NAA11: variants seen among roughly 807,000 people sequenced by gnomAD.
NAA11 encodes N-alpha-acetyltransferase 11, NatA catalytic subunit.
Under a neutral mutation model 16.1 loss-of-function variants are expected in NAA11, and 15 were observed. The observed-to-expected ratio is 0.93, with a 90% CI of 0.62 to 1.44. The LOEUF is 1.44. NAA11 is among the 40% of genes most tolerant of loss of function. NAA11 has a pLI of 0.00. For missense variants in NAA11, 298 were observed against 291.3 expected (o/e 1.02, Z -0.17); for synonymous variants, 122 against 112.4 (o/e 1.09, Z -0.54).
At chr4:79,261,733 A>G (rs1433288216) in intron 2 of NAA11, among the ~76,000 whole-genome samples, 2 of 152,318 alleles carry the variant, frequency 1.3e-5, no homozygotes, top group Middle Eastern at 3.4e-3. Context: ...GTGACATCCA[A>G]GTGTGTAGAA....
chr4:79,201,887 GTCTTT>G, the NAA11 span, among the ~76,000 whole-genome samples: 2 of 151,702 alleles, frequency 1.3e-5, no homozygotes, highest in South Asian at 2.1e-4. Context: ...ACTTCATCCT[GTCTTT>G]TCTTTTTTTA....
chr4:79,236,732 T>G (rs955693122), intron 2 of NAA11, among the ~76,000 whole-genome samples: 2 of 152,166 alleles, frequency 1.3e-5, no homozygotes, highest in African/African-American at 4.8e-5. Flanking sequence ...ATTCTTGACA[T>G]TAGGGACAGA....
Position 79,233,668 on chromosome 4 carries a change from A to G in NAA11, c.*123-7398T>C, listed in dbSNP as rs533900819. Among the ~76,000 whole-genome samples, 82 of 152,208 alleles carry G rather than the reference A, an allele frequency of 5.4e-4. No homozygotes were observed. In the Middle Eastern group the frequency reaches 0.01, roughly 19 times the overall value. ...CTTTATTTTCATAACCTGGTAGCCT[A>G]CTTGTGGACTATAGTTTGCCTCTGG... is the stretch of plus-strand genomic sequence containing the variant. On this transcript the variant is annotated intron_variant and NMD_transcript_variant, in intron 2 of 2. Coordinates refer to the NAA11 transcript ENST00000511542.
the NAA11 span, among the ~76,000 whole-genome samples, chr4:79,195,167 C>T: frequency 4.6e-5 from 7 of 152,204 alleles, no homozygotes; most frequent in East Asian, 1.2e-3. Context: ...GGGCAATTAG[C>T]TACCCCAGAG....
chr4:79,177,594 A>G, the NAA11 span, among the ~76,000 whole-genome samples: 3 of 152,272 alleles, frequency 2.0e-5, no homozygotes, highest in South Asian at 2.1e-4. Flanking sequence ...AAATGAGGTC[A>G]GTGTAATTAT....
At chr4:79,298,079 C>A (rs1723276649) in intron 1 of NAA11, among the ~76,000 whole-genome samples, 1 of 152,194 alleles carries the variant, frequency 6.6e-6, no homozygotes, top group African/African-American at 2.4e-5. Flanking sequence ...GGGAGCTGAA[C>A]ACTTGTTGGG....
At chr4:79,260,831 T>TG (rs2109973899) in intron 2 of NAA11, among the ~76,000 whole-genome samples, 1 of 152,296 alleles carries the variant, frequency 6.6e-6, no homozygotes, top group African/African-American at 2.4e-5. Context: ...CTAGAAACAT[T>TG]GGGGGAAAGA....
the NAA11 span, among the ~76,000 whole-genome samples, chr4:79,192,531 A>G: frequency 6.6e-5 from 10 of 151,682 alleles, no homozygotes; most frequent in South Asian, 4.2e-4. Context: ...TTCCAGCTTC[A>G]TCCATGTCCC....
At chr4:79,283,897 T>C (rs983912180) in intron 2 of NAA11, among the ~76,000 whole-genome samples, 3 of 152,148 alleles carry the variant, frequency 2.0e-5, no homozygotes, top group Admixed American at 1.3e-4. Flanking sequence ...AATCCTGTTA[T>C]GTTAATTGGA....
intron 2 of NAA11, among the ~76,000 whole-genome samples, chr4:79,292,925 A>C (rs1723120097): frequency 6.6e-6 from 1 of 152,204 alleles, no homozygotes; most frequent in African/African-American, 2.4e-5. Context: ...TTTGATTAAA[A>C]AGATGCTATG....
intron 1 of NAA11, chr4:79,299,259 G>A (rs2110000437): frequency 6.6e-6 from 1 of 152,340 alleles, no homozygotes. Context: ...TAGAGAAGTT[G>A]AGACTTTCTA....
At chr4:79,166,065 A>G in the NAA11 span, among the ~76,000 whole-genome samples, 1 of 152,204 alleles carries the variant, frequency 6.6e-6, no homozygotes, top group Non-Finnish European at 1.5e-5. Context: ...TTTTGCTAGC[A>G]ATAATGGAGA....
At chr4:79,276,986 T>C (rs898017404) in intron 2 of NAA11, among the ~76,000 whole-genome samples, 5 of 152,144 alleles carry the variant, frequency 3.3e-5, no homozygotes, top group Non-Finnish European at 7.4e-5. Context: ...GCTGAACAAT[T>C]AGGGGCTACT....
At chr4:79,220,827 T>C (rs1391093807), downstream of NAA11, among the ~76,000 whole-genome samples, 1 of 152,158 alleles carries the variant, frequency 6.6e-6, no homozygotes, top group Non-Finnish European at 1.5e-5. Context: ...AGCTTTGTTC[T>C]TTTGGCGTAG....
the NAA11 span, among the ~76,000 whole-genome samples, chr4:79,202,645 A>ATATATATATATATATATATATATATC: frequency 8.0e-6 from 1 of 124,854 alleles, no homozygotes; most frequent in Non-Finnish European, 1.8e-5. Flanking sequence ...ATATATATAT[A>ATATATATATATATATATATATATATC]TATATCTGTG....
chr4:79,185,439 C>T, the NAA11 span, among the ~76,000 whole-genome samples: 1 of 152,096 alleles, frequency 6.6e-6, no homozygotes, highest in Non-Finnish European at 1.5e-5. Flanking sequence ...CTTTAGAAGG[C>T]AGCCAAAGTG....
intron 2 of NAA11, among the ~76,000 whole-genome samples, chr4:79,288,753 G>T (rs1472736985): frequency 6.6e-6 from 1 of 151,994 alleles, no homozygotes; most frequent in African/African-American, 2.4e-5. Context: ...AACAATACAT[G>T]TTTGTTCAAA....
intron 2 of NAA11, among the ~76,000 whole-genome samples, chr4:79,237,894 A>G (rs939617115): frequency 1.3e-5 from 2 of 152,230 alleles, no homozygotes; most frequent in South Asian, 2.1e-4. Context: ...AAATCAATGC[A>G]TATGTGTATA....
chr4:79,193,281 T>A, the NAA11 span, among the ~76,000 whole-genome samples: 4 of 152,150 alleles, frequency 2.6e-5, no homozygotes, highest in Admixed American at 1.3e-4. Context: ...TTGGTGTTTT[T>A]GGCATGAAGT....
Sources: gnomAD v4.1 joint callset for allele counts (sites outside exome capture counted in the v4.1 genomes callset) on GRCh38, gnomAD v4.1.1 for gene constraint, MANE v1.5 for transcripts, NCBI Gene and HGNC (gene_info 2026-07-23, HGNC 2026-07-21) for gene names.